The following GPRASP3 variants were observed in gnomAD, a reference collection of about 807,000 sequenced individuals.
GPRASP3 encodes the protein G protein-coupled receptor associated sorting protein family member 3.
the GPRASP3 span, chrX:102,749,751 T>A: frequency 8.3e-7 from 1 of 1,211,918 alleles, no homozygotes; most frequent in Non-Finnish European, 1.1e-6. Flanking sequence ...TGGCCTCCGC[T>A]GAAGAAAATG....
chrX:102,731,823 G>A, the GPRASP3 span, among the ~76,000 whole-genome samples: 1 of 111,361 alleles, frequency 9.0e-6, no homozygotes, highest in African/African-American at 3.3e-5. Context: ...CTTGGGAAGT[G>A]AGCACGCACA....
the GPRASP3 span, among the ~76,000 whole-genome samples, chrX:102,725,714 T>G: frequency 7.2e-5 from 8 of 110,864 alleles, no homozygotes; most frequent in African/African-American, 2.6e-4. Flanking sequence ...GCCCGGCTAA[T>G]TTTTGTATTT....
At chrX:102,736,743 A>G in the GPRASP3 span, among the ~76,000 whole-genome samples, 1 of 111,992 alleles carries the variant, frequency 8.9e-6, no homozygotes, top group Non-Finnish European at 1.9e-5. Flanking sequence ...GGCCAAGAGC[A>G]TGCTTCTCTG....
the GPRASP3 span, among the ~76,000 whole-genome samples, chrX:102,736,798 A>G: frequency 8.9e-6 from 1 of 112,059 alleles, no homozygotes; most frequent in Non-Finnish European, 1.9e-5. Flanking sequence ...TTAGCCATCC[A>G]TATATTTCCT....
the GPRASP3 span, chrX:102,749,235 T>C: frequency 1.2e-5 from 14 of 1,209,909 alleles, no homozygotes; most frequent in Admixed American, 3.1e-4. Flanking sequence ...AGCCTAAGAC[T>C]CTGGGCAAAG....
chrX:102,745,642 G>A, the GPRASP3 span, among the ~76,000 whole-genome samples: 1 of 111,517 alleles, frequency 9.0e-6, no homozygotes. Context: ...AGCAGTCCCT[G>A]GTTGGGGAGT....
At chrX:102,735,887 T>C in the GPRASP3 span, among the ~76,000 whole-genome samples, 2 of 112,691 alleles carry the variant, frequency 1.8e-5, no homozygotes, top group African/African-American at 6.4e-5. Flanking sequence ...ACACCTTGCA[T>C]GTAAAACTGT....
chrX:102,745,834 G>T, the GPRASP3 span: 116 of 111,234 alleles, frequency 1.0e-3, no homozygotes, highest in African/African-American at 3.7e-3. Flanking sequence ...GGTCCGCGGG[G>T]GTCCTCCTGA....
At chrX:102,750,632 C>G in the GPRASP3 span, 3 of 1,163,254 alleles carry the variant, frequency 2.6e-6, no homozygotes, top group Non-Finnish European at 3.4e-6. Flanking sequence ...ATTATTGAAA[C>G]AATGTAAAAT....
the GPRASP3 span, among the ~76,000 whole-genome samples, chrX:102,739,935 G>A: frequency 8.9e-6 from 1 of 112,265 alleles, no homozygotes; most frequent in Admixed American, 9.4e-5. Context: ...TAGAAGTCAT[G>A]TGGCATGCAA....
chrX:102,746,424 C>G, the GPRASP3 span, among the ~76,000 whole-genome samples: 1 of 112,956 alleles, frequency 8.9e-6, no homozygotes, highest in Middle Eastern at 4.6e-3. Context: ...GCGCTGACCG[C>G]CTCCAAGCCA....
chrX:102,740,873 GAAAAGAAAAGA>G, the GPRASP3 span, among the ~76,000 whole-genome samples: 229 of 108,336 alleles, frequency 2.1e-3, 1 homozygote, highest in African/African-American at 7.4e-3. Flanking sequence ...AAAGAAGAAA[GAAAAGAAAAGA>G]AAAAGAAAAG....
At chrX:102,744,998 T>C in the GPRASP3 span, among the ~76,000 whole-genome samples, 2 of 111,019 alleles carry the variant, frequency 1.8e-5, no homozygotes, top group Non-Finnish European at 3.8e-5. Context: ...TAAAAAAATA[T>C]ATATATATTC....
chrX:102,725,871 CAG>C, the GPRASP3 span, among the ~76,000 whole-genome samples: 2 of 111,367 alleles, frequency 1.8e-5, no homozygotes, highest in South Asian at 3.7e-4. Context: ...TACCATGCAT[CAG>C]AGTCTTTTTA....
the GPRASP3 span, chrX:102,751,316 C>G: frequency 1.6e-5 from 2 of 123,594 alleles, no homozygotes; most frequent in African/African-American, 6.5e-5. Flanking sequence ...TTGTGAGTGC[C>G]TATTCTATGT....
the GPRASP3 span, among the ~76,000 whole-genome samples, chrX:102,737,280 T>C: frequency 8.9e-6 from 1 of 112,258 alleles, no homozygotes; most frequent in Non-Finnish European, 1.9e-5. Context: ...CTTAGCCAAA[T>C]AGCCAATACT....
the GPRASP3 span, among the ~76,000 whole-genome samples, chrX:102,745,666 C>T: frequency 1.8e-5 from 2 of 111,384 alleles, no homozygotes; most frequent in Non-Finnish European, 3.8e-5. Context: ...GGCGGGGGTG[C>T]AGACACACCA....
At chrX:102,742,204 G>C in the GPRASP3 span, among the ~76,000 whole-genome samples, 1 of 111,920 alleles carries the variant, frequency 8.9e-6, no homozygotes, top group Admixed American at 9.4e-5. Flanking sequence ...ACTCCATCTT[G>C]CTTCTAAACT....
the GPRASP3 span, among the ~76,000 whole-genome samples, chrX:102,725,325 T>G: frequency 2.7e-5 from 3 of 111,877 alleles, no homozygotes; most frequent in Admixed American, 9.5e-5. Context: ...CTTTTATGCC[T>G]TTCCCACATG....
Sources: gnomAD v4.1 joint callset for allele counts (sites outside exome capture counted in the v4.1 genomes callset) on GRCh38, gnomAD v4.1.1 for gene constraint, MANE v1.5 for transcripts, NCBI Gene and HGNC (gene_info 2026-07-23, HGNC 2026-07-21) for gene names.